STAG1: variants seen among roughly 807,000 people sequenced by gnomAD.
STAG1 encodes cohesin subunit SA-1.
In STAG1, 26 loss-of-function variants were observed where a neutral mutation model predicts 170.9. The ratio of observed to expected loss-of-function variants is 0.15; its 90% CI spans 0.11 to 0.21. The LOEUF is 0.21. Ranked by LOEUF, STAG1 falls within the 10% of genes least tolerant of loss-of-function variation. The probability of loss-of-function intolerance (pLI) is 1.00; values close to 1 mark genes in which losing one functional copy is unlikely to be tolerated. For synonymous variants in STAG1, 514 were observed against 497.7 expected (o/e 1.03, Z -0.44); for missense variants, 964 against 1,509.5 (o/e 0.64, Z 5.99).
chr3:136,719,022 A>G (rs542413381), intron 1 of STAG1, among the ~76,000 whole-genome samples: 3 of 152,336 alleles, frequency 2.0e-5, no homozygotes, highest in African/African-American at 7.2e-5. Context: ...TAAATTTACT[A>G]CATGACCGAG....
At chr3:136,631,034 T>C in intron 1 of STAG1, 53 bp from the exon 2 acceptor site, 2 of 842,402 alleles carry the variant, frequency 2.4e-6, no homozygotes, top group East Asian at 2.8e-5. Flanking sequence ...ATGACAAAAT[T>C]CATAAACTAC....
chr3:136,651,250 C>T (rs7618518), intron 1 of STAG1, among the ~76,000 whole-genome samples: 99,307 of 151,588 alleles, frequency 0.66, 34,842 homozygotes, highest in African/African-American at 0.9. Context: ...CCTGTAACTC[C>T]TGATACTTCA....
In STAG1 at chr3:136,473,590, A is replaced by G. The variant is rs778912210; in HGVS notation, c.1074T>C (p.Tyr358=). 1.2e-6 allele frequency: 2 copies of G among 1,612,750 alleles called. No individual in the cohort carries two copies. Among genetic ancestry groups the G allele is most frequent in the South Asian group, 2.2e-5 (2 of 90,938 alleles). Residue 358 remains tyrosine, a synonymous_variant, in exon 11 of 34, where the codon TAT becomes TAC. Transcript: ENST00000383202. ...ATTTGGGGAATAATTCTCTATTGGTATATAGACTCTGCAGAGCTTTCAAAC... is the reference window on the plus strand; with the variant it reads ...ATTTGGGGAATAATTCTCTATTGGTGTATAGACTCTGCAGAGCTTTCAAAC... ...LKCLKALQSL[Y]TNRELFPKLE...
intron 1 of STAG1, chr3:136,721,412 T>A (rs1164212109): frequency 6.6e-6 from 1 of 152,208 alleles, no homozygotes; most frequent in Non-Finnish European, 1.5e-5. Context: ...AATACTCTTT[T>A]TACATTATTT....
At chr3:136,414,033 T>C (rs1324686470) in intron 21 of STAG1, among the ~76,000 whole-genome samples, 2 of 152,176 alleles carry the variant, frequency 1.3e-5, no homozygotes, top group East Asian at 1.9e-4. Flanking sequence ...TGCTAGAAAA[T>C]GCTAATGATC....
At chr3:136,503,358 T>C (rs542554618) in intron 7 of STAG1, among the ~76,000 whole-genome samples, 4 of 152,332 alleles carry the variant, frequency 2.6e-5, no homozygotes, top group Non-Finnish European at 5.9e-5. Context: ...GAATTTCCAA[T>C]TGACCTATCC....
At chr3:136,421,062 C>T (rs758700136) in intron 20 of STAG1, 31 bp downstream of exon 20, 140 of 1,441,502 alleles carry the variant, frequency 9.7e-5, no homozygotes, top group Non-Finnish European at 1.2e-4. Context: ...TGAGCCACCT[C>T]GTTGCCTTTA....
At chr3:136,402,170 G>A (rs2087346048) in intron 21 of STAG1, among the ~76,000 whole-genome samples, 1 of 152,052 alleles carries the variant, frequency 6.6e-6, no homozygotes, top group Admixed American at 6.6e-5. Context: ...TAAGTAGAAT[G>A]CTGCAGGAAC....
chr3:136,686,733 GT>G (rs552591730), intron 1 of STAG1, among the ~76,000 whole-genome samples: 7 of 152,002 alleles, frequency 4.6e-5, no homozygotes, highest in African/African-American at 9.7e-5. Context: ...CAGGTGACTT[GT>G]TTTTTTTAAT....
intron 5 of STAG1, among the ~76,000 whole-genome samples, chr3:136,563,837 G>A (rs1216269161): frequency 3.3e-5 from 5 of 151,918 alleles, no homozygotes; most frequent in Non-Finnish European, 5.9e-5. Flanking sequence ...TGATCAACAC[G>A]GTGAAACCCC....
At chr3:136,470,641 T>C (rs1389711278) in intron 12 of STAG1, among the ~76,000 whole-genome samples, 2 of 152,208 alleles carry the variant, frequency 1.3e-5, no homozygotes, top group Non-Finnish European at 2.9e-5. Context: ...ACTGGGTATA[T>C]ACCCAAAGGA....
intron 3 of STAG1, chr3:136,609,498 G>C (rs1182594290): frequency 6.6e-6 from 1 of 152,506 alleles, no homozygotes; most frequent in Admixed American, 6.6e-5. Flanking sequence ...AAAAGAGGCT[G>C]ATCAGGCTAA....
At chr3:136,456,762 G>T (rs2089124278) in intron 13 of STAG1, among the ~76,000 whole-genome samples, 1 of 152,124 alleles carries the variant, frequency 6.6e-6, no homozygotes, top group Non-Finnish European at 1.5e-5. Flanking sequence ...AGCATCAAAA[G>T]AAAAGAATCA....
At chr3:136,664,871 C>T (rs973511298) in intron 1 of STAG1, among the ~76,000 whole-genome samples, 5 of 152,128 alleles carry the variant, frequency 3.3e-5, no homozygotes, top group Admixed American at 3.3e-4. Context: ...CAAGAACCAT[C>T]AAACCTGAGG....
At chr3:136,750,721 A>T (rs997247505) in intron 1 of STAG1, among the ~76,000 whole-genome samples, 4 of 152,248 alleles carry the variant, frequency 2.6e-5, no homozygotes, top group Non-Finnish European at 5.9e-5. Context: ...GATCTTCTAC[A>T]ACTTTATTTG....
intron 1 of STAG1, among the ~76,000 whole-genome samples, chr3:136,748,273 T>C (rs1039670643): frequency 5.3e-5 from 8 of 151,922 alleles, no homozygotes; most frequent in African/African-American, 1.9e-4. Flanking sequence ...TACTGGCACA[T>C]GCCTACAGTC....
chr3:136,546,365 T>C (rs1205132186), intron 5 of STAG1, among the ~76,000 whole-genome samples: 1 of 152,124 alleles, frequency 6.6e-6, no homozygotes, highest in Admixed American at 6.6e-5. Context: ...TTTTAAAACA[T>C]ACGAAAATTC....
At chr3:136,464,401 C>A (rs948512830) in intron 13 of STAG1, among the ~76,000 whole-genome samples, 2 of 147,364 alleles carry the variant, frequency 1.4e-5, no homozygotes, top group African/African-American at 5.0e-5. Context: ...GTAGTCTGGG[C>A]AACAAGAGCG....
At chr3:136,739,520 G>GAAAAAAAAAAAAAAAAAAA (rs1324004295) in intron 1 of STAG1, among the ~76,000 whole-genome samples, 1 of 120,718 alleles carries the variant, frequency 8.3e-6, no homozygotes. Flanking sequence ...AAAAAAAAAA[G>GAAAAAAAAAAAAAAAAAAA]AAAAAAAAAA....
Sources: gnomAD v4.1 joint callset for allele counts (sites outside exome capture counted in the v4.1 genomes callset) on GRCh38, gnomAD v4.1.1 for gene constraint, MANE v1.5 for transcripts, NCBI Gene and HGNC (gene_info 2026-07-23, HGNC 2026-07-21) for gene names.